The following INPP4A variants were observed in gnomAD, a reference collection of about 807,000 sequenced individuals.
The protein encoded by INPP4A is inositol polyphosphate-4-phosphatase type I A.
A neutral mutation model predicts 119.8 loss-of-function variants in INPP4A; 33 were observed. That is an observed-to-expected ratio of 0.28 (90% CI 0.21 to 0.37). The LOEUF (loss-of-function observed/expected upper bound fraction) is 0.37. Ranked by LOEUF, INPP4A falls within the 10% of genes least tolerant of loss-of-function variation. INPP4A has a pLI of 1.00. For synonymous variants in INPP4A, 496 were observed against 500.7 expected (o/e 0.99, Z 0.12); for missense variants, 956 against 1,289.9 (o/e 0.74, Z 3.97).
intron 1 of INPP4A, among the ~76,000 whole-genome samples, chr2:98,486,003 G>A (rs895037171): frequency 2.0e-5 from 3 of 152,230 alleles, no homozygotes; most frequent in African/African-American, 7.2e-5. Flanking sequence ...AGTCAGGCCT[G>A]CTTGAAAGTT....
At chr2:98,582,959 A>C (rs1699538816) in intron 24 of INPP4A, among the ~76,000 whole-genome samples, 1 of 152,166 alleles carries the variant, frequency 6.6e-6, no homozygotes, top group South Asian at 2.1e-4. Context: ...TACGCCAGAC[A>C]CAGAAAGATC....
rs141152347 is a variant in INPP4A, at chr2:98,567,905, T to C, written c.2421-666T>C. On this transcript the variant is annotated intron_variant, in intron 21 of 24. Coordinates refer to ENST00000409851, the MANE Select transcript of INPP4A (RefSeq NM_001134225.2). The stretch of plus-strand genomic sequence containing the variant: ...TGCTCTCGGGCCACAGAGAAGCTGA[T>C]GCTCGGAAGGCCCCTCAGCAGGGAT... 2.0e-3 allele frequency among the ~76,000 whole-genome samples: 302 copies of C among 152,278 alleles called. 1 individual carries two copies. Among genetic ancestry groups the C allele is most frequent in the African/African-American group, 7.0e-3 (291 of 41,562 alleles).
rs375065310 is a variant in INPP4A, at chr2:98,559,444, G to A, written c.1823-19G>A. ...GTGCTGCTCCTTAATCATCCATGTC[G>A]CCCTCCATTTCTGTGCAGATTGCAG... On this transcript the variant is annotated intron_variant, in intron 16 of 24. Coordinates refer to ENST00000409851, the MANE Select transcript of INPP4A (RefSeq NM_001134225.2). 17 of 1,613,686 alleles carry A rather than the reference G, an allele frequency of 1.1e-5. No homozygotes were observed. The East Asian group carries it at 1.1e-4, about 11-fold the overall frequency.
rs1300391685 is a variant in INPP4A, at chr2:98,570,627, A to G, written c.2518+1959A>G. Among the ~76,000 whole-genome samples the G allele has an allele frequency of 6.6e-6, 1 of 152,090 alleles. No individual in the cohort carries two copies. Among genetic ancestry groups the G allele is most frequent in the Non-Finnish European group, 1.5e-5 (1 of 67,992 alleles). ...GCTGCAGGGGCCATGGGAGTGCTCA[A>G]AGGTCCGAGGGAAGGAGAACACACA... On this transcript the variant is annotated intron_variant, in intron 22 of 24. Transcript: ENST00000409851. This position sits in a 1 kb window ranked among gnomAD's most constrained non-coding sequence, Gnocchi z 4.3.
intron 1 of INPP4A, among the ~76,000 whole-genome samples, chr2:98,475,626 A>G (rs1187477459): frequency 6.6e-6 from 1 of 152,172 alleles, no homozygotes; most frequent in Non-Finnish European, 1.5e-5. Flanking sequence ...TTTTTGCTTT[A>G]GGCGTCAGTA....
chr2:98,460,047 A>T (rs773327115), intron 1 of INPP4A, among the ~76,000 whole-genome samples: 11 of 150,352 alleles, frequency 7.3e-5, no homozygotes, highest in African/African-American at 2.2e-4. Context: ...GCTGGAACCT[A>T]GGTCTGCTTC....
chr2:98,446,781 ATAT>A (rs916323316), intron 1 of INPP4A, among the ~76,000 whole-genome samples: 1 of 152,132 alleles, frequency 6.6e-6, no homozygotes, highest in Admixed American at 6.5e-5. Context: ...CCAAGGGCAG[ATAT>A]TATAGTGCCT....
At chr2:98,482,390 A>G (rs918043963) in intron 1 of INPP4A, among the ~76,000 whole-genome samples, 5 of 152,216 alleles carry the variant, frequency 3.3e-5, no homozygotes, top group African/African-American at 1.2e-4. Flanking sequence ...CAGGGCCTCA[A>G]GGGATGTTAG....
chr2:98,452,216 T>G (rs998090560), intron 1 of INPP4A, among the ~76,000 whole-genome samples: 8 of 152,182 alleles, frequency 5.3e-5, no homozygotes, highest in Admixed American at 5.2e-4. Flanking sequence ...CACGTGGCCT[T>G]CCCTGGACCA....
At chr2:98,502,783 G>C (rs111976323) in intron 1 of INPP4A, among the ~76,000 whole-genome samples, 2,924 of 152,294 alleles carry the variant, frequency 0.019, 98 homozygotes, top group African/African-American at 0.067. Context: ...TATGGGTGAG[G>C]TCACCAAGGA....
Position 98,543,824 on chromosome 2 carries a change from C to T in INPP4A, c.819-53C>T, listed in dbSNP as rs1383710252. Reference sequence around the variant, plus strand: ...TGTCCTGGGTAGACCTCCTGGGCCTCTCTGGGGAAACCAGTTAGCCCACAG... The same window carrying T: ...TGTCCTGGGTAGACCTCCTGGGCCTTTCTGGGGAAACCAGTTAGCCCACAG... On this transcript the variant is annotated intron_variant, in intron 10 of 24. Coordinates refer to ENST00000409851, the MANE Select transcript of INPP4A (RefSeq NM_001134225.2). 4 of 1,606,180 alleles carry T rather than the reference C, an allele frequency of 2.5e-6. No individual in the cohort carries two copies. In the African/African-American group the frequency reaches 4.0e-5, roughly 16 times the overall value.
rs1693905651 is a variant in INPP4A at position 98,444,982 on chromosome 2, C to G, written c.-269C>G. Reference sequence around the variant, plus strand: ...AGCACCTGAGGCCGGGCCCGCAGCCCGCGACTTCACAGCCAGGCGGCGGCG... The same window carrying G: ...AGCACCTGAGGCCGGGCCCGCAGCCGGCGACTTCACAGCCAGGCGGCGGCG... On this transcript the variant is annotated 5_prime_UTR_variant, in exon 1 of 25. Coordinates refer to ENST00000409851, the MANE Select transcript of INPP4A (RefSeq NM_001134225.2). The G allele has an allele frequency of 6.7e-6, 1 of 150,248 alleles. No individual in the cohort carries two copies. The highest frequency in any genetic ancestry group is 1.5e-5 in the Non-Finnish European group (1 of 67,302). The allele number at this position is 150,248 out of a possible 1,614,324, so 9.3% of individuals were successfully genotyped here. A position where few individuals can be genotyped will look rare whatever the true frequency, so the allele number is the denominator to read the frequency against.
intron 16 of INPP4A, among the ~76,000 whole-genome samples, chr2:98,557,400 G>C (rs1483874235): frequency 1.3e-5 from 2 of 152,202 alleles, no homozygotes; most frequent in Non-Finnish European, 2.9e-5. Context: ...CAGCCAGGAA[G>C]CTGTTCAGTC....
intron 1 of INPP4A, among the ~76,000 whole-genome samples, chr2:98,453,223 G>A (rs1695532450): frequency 6.6e-6 from 1 of 152,188 alleles, no homozygotes; most frequent in South Asian, 2.1e-4. Context: ...ATAACGTTTA[G>A]GAGTAGTCTT....
intron 4 of INPP4A, among the ~76,000 whole-genome samples, chr2:98,525,468 G>A (rs957275280): frequency 3.3e-5 from 5 of 152,142 alleles, no homozygotes; most frequent in Non-Finnish European, 7.3e-5. Context: ...CTGAGGATTA[G>A]GACATAGGTA....
In INPP4A at chr2:98,555,791, A is replaced by G. The variant is rs1274380569; in HGVS notation, c.1805A>G (p.His602Arg). The G allele has an allele frequency of 1.3e-6, 2 of 1,564,030 alleles. No individual in the cohort carries two copies. Among genetic ancestry groups the G allele is most frequent in the Admixed American group, 1.9e-5 (1 of 51,930 alleles). The stretch of plus-strand genomic sequence containing the variant: ...TCCACCATGCCCTCCACTGCATGCC[A>G]TCCTCATCTGACCACACGTGCGTAT... ...CPSTMPSTAC[H>R]PHLTTHCSPP... is the part of the protein sequence containing the mutation. Residue 602 changes from histidine to arginine, a missense_variant, in exon 16 of 25, where the codon CAT becomes CGT. His to Arg is a conservative substitution (Grantham distance 29, BLOSUM62 0). Around this residue, in one of 2 missense-constraint regions of INPP4A, gnomAD observed 652 missense variants for 797.9 expected, o/e 0.82. Coordinates refer to ENST00000409851, the MANE Select transcript of INPP4A (RefSeq NM_001134225.2).
Position 98,588,983 on chromosome 2 carries a change from C to G in INPP4A, c.*1375C>G, listed in dbSNP as rs1339841323. On this transcript the variant is annotated 3_prime_UTR_variant, in exon 25 of 25. Transcript: ENST00000409851. Reference sequence around the variant, plus strand: ...ATGTAACAAACTTGGGCCAGGGGTGCTGAGGCATGGGGAGGACTGCTTATT... The same window carrying G: ...ATGTAACAAACTTGGGCCAGGGGTGGTGAGGCATGGGGAGGACTGCTTATT... The G allele has an allele frequency of 5.4e-6, 1 of 184,646 alleles. No individual in the cohort carries two copies. The highest frequency in any genetic ancestry group is 2.4e-5 in the African/African-American group (1 of 42,552). 11.4% of individuals were successfully genotyped at this position (184,646 alleles called of 1,614,324 possible).
chr2:98,487,726 T>C (rs1574683123), intron 1 of INPP4A, among the ~76,000 whole-genome samples: 1 of 152,160 alleles, frequency 6.6e-6, no homozygotes, highest in South Asian at 2.1e-4. Context: ...ACAAAGAAGG[T>C]TGGAGGTTTT....
At chr2:98,515,688 G>C (rs1026967895) in intron 1 of INPP4A, among the ~76,000 whole-genome samples, 2 of 152,304 alleles carry the variant, frequency 1.3e-5, no homozygotes, top group South Asian at 2.1e-4. Flanking sequence ...CTCCAGCTCC[G>C]GGGAGCCTGA....
Sources: gnomAD v4.1 joint callset for allele counts (sites outside exome capture counted in the v4.1 genomes callset) on GRCh38, gnomAD v4.1.1 for gene constraint, gnomAD v4.1.1 regional missense constraint, Gnocchi (gnomAD v3.1) non-coding constraint, MANE v1.5 for transcripts, NCBI Gene and HGNC (gene_info 2026-07-23, HGNC 2026-07-21) for gene names.